The following BTNL8 variants were observed in gnomAD, a reference collection of about 807,000 sequenced individuals.
The protein encoded by BTNL8 is butyrophilin-like protein 8.
A neutral mutation model predicts 36.1 loss-of-function variants in BTNL8; 22 were observed. That is an observed-to-expected ratio of 0.61 (90% CI 0.44 to 0.87). The LOEUF is 0.87. BTNL8 is among the 40% of genes least tolerant of loss of function. BTNL8 has a pLI of 0.00. For synonymous variants in BTNL8, 203 were observed against 235.6 expected (o/e 0.86, Z 1.27); for missense variants, 526 against 616.9 (o/e 0.85, Z 1.56).
chr5:180,902,480 A>G, intron 1 of BTNL8: 1 of 1,357,826 alleles, frequency 7.4e-7, no homozygotes, highest in Non-Finnish European at 1.0e-6. Flanking sequence ...TCTCCAGCCC[A>G]GCCCAATGGA....
chr5:180,927,723 A>G (rs1758169226), intron 3 of BTNL8, among the ~76,000 whole-genome samples: 1 of 152,226 alleles, frequency 6.6e-6, no homozygotes, highest in Non-Finnish European at 1.5e-5. Context: ...AGTGGAAGAC[A>G]ATGATATCAG....
At chr5:180,932,718 T>C (rs1758455299) in intron 3 of BTNL8, among the ~76,000 whole-genome samples, 1 of 152,028 alleles carries the variant, frequency 6.6e-6, no homozygotes. Context: ...ATTCAAAGCA[T>C]GCAACTGTGA....
chr5:180,908,112 C>G (rs1237592253), intron 1 of BTNL8, among the ~76,000 whole-genome samples: 1 of 152,048 alleles, frequency 6.6e-6, no homozygotes. Flanking sequence ...CCCCCAGCCT[C>G]GCTGCTGCCT....
chr5:180,933,276 T>G (rs1386251961), intron 3 of BTNL8, among the ~76,000 whole-genome samples: 1 of 152,146 alleles, frequency 6.6e-6, no homozygotes, highest in Non-Finnish European at 1.5e-5. Context: ...ATAAGAAAAC[T>G]TTGGACTTAA....
Position 180,899,220 on chromosome 5 carries a change from A to G in BTNL8, c.-91A>G. On this transcript the variant is annotated 5_prime_UTR_variant, in exon 1 of 8. Transcript: ENST00000340184. ...TCTCCGTGGCTTCCGCACCTTGAGC[A>G]TTAGGCCAGTTCTCCTCTTCTCTCT... 3 of 1,500,726 alleles carry G rather than the reference A, an allele frequency of 2.0e-6. No homozygotes were observed. 93.0% of individuals were successfully genotyped at this position (1,500,726 alleles called of 1,614,324 possible).
intron 3 of BTNL8, among the ~76,000 whole-genome samples, chr5:180,938,116 G>A (rs1046447393): frequency 6.6e-6 from 1 of 151,850 alleles, no homozygotes; most frequent in African/African-American, 2.4e-5. Context: ...TCAGAAGAAA[G>A]AATTTCTGAA....
chr5:180,929,555 AT>A (rs1758269037), intron 3 of BTNL8, among the ~76,000 whole-genome samples: 3 of 101,402 alleles, frequency 3.0e-5, no homozygotes, highest in African/African-American at 2.8e-4. Context: ...AACAAAATAG[AT>A]AGACCGTTAG....
intron 3 of BTNL8, among the ~76,000 whole-genome samples, chr5:180,937,654 C>G (rs1758721974): frequency 6.6e-6 from 1 of 152,020 alleles, no homozygotes; most frequent in Non-Finnish European, 1.5e-5. Flanking sequence ...TAATGTTATT[C>G]CATAAAATTG....
intron 3 of BTNL8, among the ~76,000 whole-genome samples, chr5:180,931,061 A>C (rs1347230574): frequency 6.6e-6 from 1 of 152,228 alleles, no homozygotes; most frequent in Admixed American, 6.5e-5. Flanking sequence ...ACTTCAAACT[A>C]TACTAGAAGG....
rs112784326 is a variant in BTNL8 at position 180,949,208 on chromosome 5, T to C, written c.836-31T>C. The C allele has an allele frequency of 4.1e-5, 60 of 1,448,646 alleles. 10 individuals are homozygous for C. The African/African-American group carries it at 7.7e-4, about 19-fold the overall frequency. 89.7% of individuals were successfully genotyped at this position (1,448,646 alleles called of 1,614,324 possible). On this transcript the variant is annotated intron_variant, in intron 6 of 7. Coordinates refer to ENST00000340184, the MANE Select transcript of BTNL8 (RefSeq NM_001040462.3). Reference sequence around the variant, plus strand: ...TGCGCCCTGTTTCCCACGTGAGCACTGAACTGCCTGCTCTGTCTGCTTGCT... The same window carrying C: ...TGCGCCCTGTTTCCCACGTGAGCACCGAACTGCCTGCTCTGTCTGCTTGCT...
At chr5:180,907,313 A>G (rs1000164800) in intron 1 of BTNL8, among the ~76,000 whole-genome samples, 12 of 122,646 alleles carry the variant, frequency 9.8e-5, no homozygotes, top group Non-Finnish European at 2.0e-4. Context: ...AGTTGATCGC[A>G]TCGGCTCCTG....
chr5:180,911,771 A>G lies in BTNL8; in HGVS notation c.673+157A>G, dbSNP rs891840258. On this transcript the variant is annotated intron_variant, in intron 3 of 7. Transcript: ENST00000340184. The stretch of plus-strand genomic sequence containing the variant: ...ATCAATGAGATGTAAAAGTAAAGTT[A>G]TAAACATTTGGTTAGGTGGAAATAG... Among the ~76,000 whole-genome samples, 15 of 152,358 alleles carry G rather than the reference A, an allele frequency of 9.8e-5. No homozygotes were observed. The East Asian group carries it at 1.5e-3, about 16-fold the overall frequency.
At chr5:180,920,882 T>C (rs1339926787) in intron 3 of BTNL8, among the ~76,000 whole-genome samples, 2 of 152,000 alleles carry the variant, frequency 1.3e-5, no homozygotes, top group Non-Finnish European at 2.9e-5. Flanking sequence ...CAATCAAAAG[T>C]ATAAGGAGAG....
At chr5:180,927,932 T>G (rs1056984545) in intron 3 of BTNL8, among the ~76,000 whole-genome samples, 1 of 152,084 alleles carries the variant, frequency 6.6e-6, no homozygotes, top group African/African-American at 2.4e-5. Context: ...CCAGGAGAAC[T>G]TCCCCAACCT....
At chr5:180,914,896 G>A (rs779651736) in intron 3 of BTNL8, among the ~76,000 whole-genome samples, 2 of 152,188 alleles carry the variant, frequency 1.3e-5, no homozygotes, top group South Asian at 4.1e-4. Context: ...CTGCTCTTCC[G>A]AGGTAACTCA....
intron 1 of BTNL8, chr5:180,902,347 T>C: frequency 6.5e-7 from 1 of 1,549,880 alleles, no homozygotes; most frequent in Non-Finnish European, 8.7e-7. Context: ...TTTCTGCAGG[T>C]GCTCCTCAAG....
chr5:180,907,792 T>C (rs1273228089), intron 1 of BTNL8, among the ~76,000 whole-genome samples: 6 of 151,742 alleles, frequency 4.0e-5, no homozygotes, highest in Non-Finnish European at 8.8e-5. Flanking sequence ...GAGGTGTCAG[T>C]GTGCCCCTGC....
At chr5:180,908,197 G>A (rs952996391) in intron 1 of BTNL8, among the ~76,000 whole-genome samples, 6 of 152,220 alleles carry the variant, frequency 3.9e-5, no homozygotes, top group African/African-American at 1.4e-4. Flanking sequence ...AGCCAGGTGT[G>A]GGATATAATC....
intron 3 of BTNL8, among the ~76,000 whole-genome samples, chr5:180,922,244 G>T (rs1257804046): frequency 2.0e-5 from 3 of 151,884 alleles, no homozygotes; most frequent in Non-Finnish European, 4.4e-5. Context: ...CTTTGGGATT[G>T]ATTTTCTCTT....
Sources: gnomAD v4.1 joint callset for allele counts (sites outside exome capture counted in the v4.1 genomes callset) on GRCh38, gnomAD v4.1.1 for gene constraint, MANE v1.5 for transcripts, NCBI Gene and HGNC (gene_info 2026-07-23, HGNC 2026-07-21) for gene names.